The following TBC1D4 variants were observed in gnomAD, a reference collection of about 807,000 sequenced individuals.
The protein encoded by TBC1D4 is TBC (Tre-2, BUB2, CDC16) domain-containing protein.
A neutral mutation model predicts 142.5 loss-of-function variants in TBC1D4; 121 were observed. The observed-to-expected ratio is 0.85, with a 90% CI of 0.73 to 0.99. The LOEUF is 0.99. TBC1D4 is among the 50% of genes least tolerant of loss of function. The probability of loss-of-function intolerance (pLI) is 0.00; values close to 1 mark genes in which losing one functional copy is unlikely to be tolerated. For synonymous variants in TBC1D4, 630 were observed against 628.2 expected (o/e 1.00, Z -0.04); for missense variants, 1,475 against 1,606.6 (o/e 0.92, Z 1.40).
At chr13:75,396,494 G>A (rs769696121) in intron 1 of TBC1D4, among the ~76,000 whole-genome samples, 8 of 151,180 alleles carry the variant, frequency 5.3e-5, no homozygotes, top group South Asian at 2.1e-4. Context: ...TAGATATTTC[G>A]GAAATTTTAC....
At chr13:75,451,449 T>A (rs1887525875) in intron 1 of TBC1D4, among the ~76,000 whole-genome samples, 1 of 150,426 alleles carries the variant, frequency 6.6e-6, no homozygotes, top group African/African-American at 2.4e-5. Flanking sequence ...ATATTACATA[T>A]TTTGTTAAAT....
At chr13:75,451,162 TG>T (rs1409738904) in intron 1 of TBC1D4, among the ~76,000 whole-genome samples, 3 of 152,214 alleles carry the variant, frequency 2.0e-5, no homozygotes, top group Non-Finnish European at 2.9e-5. Context: ...ACTAATTATG[TG>T]GTTTGGGTAA....
intron 12 of TBC1D4, among the ~76,000 whole-genome samples, chr13:75,317,654 C>T (rs898763316): frequency 6.6e-6 from 1 of 152,274 alleles, no homozygotes; most frequent in East Asian, 1.9e-4. Context: ...TTATAAAACT[C>T]CTTCCCAAGA....
At chr13:75,291,140 C>T (rs1875259048) in intron 19 of TBC1D4, among the ~76,000 whole-genome samples, 1 of 152,202 alleles carries the variant, frequency 6.6e-6, no homozygotes, top group Admixed American at 6.5e-5. Context: ...GATCAATTCT[C>T]TGCCCTCATC....
At chr13:75,404,654 GA>G (rs1208903596) in intron 1 of TBC1D4, among the ~76,000 whole-genome samples, 2 of 152,180 alleles carry the variant, frequency 1.3e-5, no homozygotes, top group Non-Finnish European at 2.9e-5. Context: ...TGAACAAAAA[GA>G]AGTATCACAG....
chr13:75,437,590 C>T (rs929367481), intron 1 of TBC1D4, among the ~76,000 whole-genome samples: 8 of 141,224 alleles, frequency 5.7e-5, no homozygotes, highest in African/African-American at 2.3e-4. Flanking sequence ...GTGCTATTCT[C>T]ATTATAAACT....
At chr13:75,383,808 C>T (rs924249748) in intron 1 of TBC1D4, among the ~76,000 whole-genome samples, 1 of 152,142 alleles carries the variant, frequency 6.6e-6, no homozygotes, top group Non-Finnish European at 1.5e-5. Context: ...CGCGGGGCTA[C>T]TGTATATAAC....
chr13:75,323,075 G>C (rs1398984004), intron 11 of TBC1D4, among the ~76,000 whole-genome samples: 1 of 152,088 alleles, frequency 6.6e-6, no homozygotes, highest in Non-Finnish European at 1.5e-5. Context: ...ATAATTCAAG[G>C]ATTAGTCTAC....
At chr13:75,454,131 C>T (rs1887637755) in intron 1 of TBC1D4, among the ~76,000 whole-genome samples, 1 of 151,878 alleles carries the variant, frequency 6.6e-6, no homozygotes, top group South Asian at 2.1e-4. Context: ...AAACAATCTT[C>T]CTACCTCAGC....
At chr13:75,422,214 T>C (rs1886199715) in intron 1 of TBC1D4, among the ~76,000 whole-genome samples, 1 of 152,150 alleles carries the variant, frequency 6.6e-6, no homozygotes, top group African/African-American at 2.4e-5. Flanking sequence ...CCCCTCAGTC[T>C]CATGGAGTTC....
At chr13:75,385,648 T>C (rs1388937709) in intron 1 of TBC1D4, among the ~76,000 whole-genome samples, 1 of 152,252 alleles carries the variant, frequency 6.6e-6, no homozygotes, top group Admixed American at 6.5e-5. Context: ...GTGCACTTTC[T>C]AGATAATAAT....
intron 1 of TBC1D4, among the ~76,000 whole-genome samples, chr13:75,402,646 C>T (rs1885147758): frequency 7.9e-6 from 1 of 126,374 alleles, no homozygotes; most frequent in Non-Finnish European, 1.7e-5. Context: ...GGTCTTCCAT[C>T]CCTAGTAAAC....
At chr13:75,322,810 A>C (rs1474898089) in intron 11 of TBC1D4, among the ~76,000 whole-genome samples, 1 of 152,178 alleles carries the variant, frequency 6.6e-6, no homozygotes, top group Non-Finnish European at 1.5e-5. Flanking sequence ...GGTTCTCTAA[A>C]TTAGTTTCAT....
intron 1 of TBC1D4, among the ~76,000 whole-genome samples, chr13:75,375,311 C>T (rs1883436204): frequency 6.6e-6 from 1 of 152,208 alleles, no homozygotes; most frequent in Non-Finnish European, 1.5e-5. Context: ...TCCTCCAATT[C>T]TGGGGGCCAC....
chr13:75,330,572 T>G (rs1349441650), intron 8 of TBC1D4, among the ~76,000 whole-genome samples: 1 of 152,208 alleles, frequency 6.6e-6, no homozygotes, highest in Non-Finnish European at 1.5e-5. Context: ...TAGATTACAT[T>G]GCCCAAGTTT....
At position 75,376,635 on chromosome 13, in the gene TBC1D4, A is replaced by G. The variant is rs571896433; in HGVS notation, c.499-14028T>C. ...TGACCTCAGGTGATCTGCCGGCCTC[A>G]GCCTCCCAAAGTTCTGGGATTACAG... On this transcript the variant is annotated intron_variant, in intron 1 of 20. Transcript: ENST00000377636. Among the ~76,000 whole-genome samples the G allele has an allele frequency of 1.8e-4, 27 of 152,274 alleles. No homozygotes were observed. The South Asian group carries it at 5.6e-3, about 32-fold the overall frequency.
chr13:75,324,538 GAA>G, intron 10 of TBC1D4, 137 bp from the exon 11 acceptor site: 1 of 948,054 alleles, frequency 1.1e-6, no homozygotes, highest in Non-Finnish European at 1.5e-6. Flanking sequence ...GATCTTACAT[GAA>G]AAAAAAAGAA....
intron 15 of TBC1D4, among the ~76,000 whole-genome samples, chr13:75,303,575 A>G (rs1876816863): frequency 1.3e-5 from 2 of 152,152 alleles, no homozygotes; most frequent in Non-Finnish European, 2.9e-5. Flanking sequence ...TCACTCACTA[A>G]GAGTTTTCAG....
At chr13:75,300,178 C>T (rs1876384173) in intron 16 of TBC1D4, among the ~76,000 whole-genome samples, 1 of 152,112 alleles carries the variant, frequency 6.6e-6, no homozygotes, top group Non-Finnish European at 1.5e-5. Context: ...CCATGTAAAC[C>T]ACTTTTCTTT....
Sources: allele counts gnomAD v4.1 joint callset (sites outside exome capture counted in the v4.1 genomes callset), GRCh38; gene constraint gnomAD v4.1.1; transcripts MANE v1.5; gene names NCBI Gene and HGNC (gene_info 2026-07-23, HGNC 2026-07-21).